The following PLEC variants were observed in gnomAD, a reference collection of about 807,000 sequenced individuals.
The protein encoded by PLEC is plectin.
In PLEC, 216 loss-of-function variants were observed where a neutral mutation model predicts 392.8. That is an observed-to-expected ratio of 0.55 (90% CI 0.49 to 0.62). The LOEUF is 0.62. PLEC is among the 20% of genes least tolerant of loss of function. The pLI, the probability that PLEC is intolerant of heterozygous loss-of-function variation, is 0.00. For missense variants in PLEC, 6,863 were observed against 6,563.4 expected, an observed-to-expected ratio of 1.05 and a Z score of -1.58; for synonymous variants, 3,621 against 2,980.6, an observed-to-expected ratio of 1.21 and a Z score of -7.00.
chr8:143,955,888 G>A (rs782076886), upstream of PLEC, among the ~76,000 whole-genome samples: 4 of 151,202 alleles, frequency 2.6e-5, no homozygotes, highest in Non-Finnish European at 4.4e-5. Flanking sequence ...CACACTGCCT[G>A]GTCCAGATCA....
chr8:143,939,084 G>A (rs781850641), intron 1 of PLEC, among the ~76,000 whole-genome samples: 11 of 152,192 alleles, frequency 7.2e-5, no homozygotes, highest in Non-Finnish European at 1.0e-4. Flanking sequence ...GGGAAGCCGC[G>A]TGTGCTGCTG....
chr8:143,957,394 G>A (rs1428328935), upstream of PLEC, among the ~76,000 whole-genome samples: 1 of 152,196 alleles, frequency 6.6e-6, no homozygotes, highest in Admixed American at 6.5e-5. Flanking sequence ...AGTGCCTCCG[G>A]AAAACCCCTA....
At chr8:143,946,467 A>T in intron 1 of PLEC, 1 of 1,134,620 alleles carries the variant, frequency 8.8e-7, no homozygotes, top group Non-Finnish European at 1.2e-6. Context: ...AAGGGGTGGG[A>T]GGCAGAGGGA....
intron 25 of PLEC, 118 bp from the exon 26 acceptor site, chr8:143,928,110 G>A: frequency 7.7e-7 from 1 of 1,301,544 alleles, no homozygotes; most frequent in Non-Finnish European, 1.0e-6. Flanking sequence ...CCAACCCTGG[G>A]GGTCAGCTGA....
rs782751690 is a variant in PLEC, at chr8:143,933,096, G to A, written c.1434C>T (p.His478=). Residue 478 remains histidine, a synonymous_variant, in exon 14 of 32, where the codon CAC becomes CAT. Transcript: ENST00000345136. ...CGGTGCGGATGGCTACCAGGCGCTCGTGCAGACGGTACACCCTGGGGCAGC... is the reference window on the plus strand; with the variant it reads ...CGGTGCGGATGGCTACCAGGCGCTCATGCAGACGGTACACCCTGGGGCAGC... ...EQMYRRVYRL[H]ERLVAIRTEY... 79 of 1,592,050 alleles carry A rather than the reference G, an allele frequency of 5.0e-5. No individual in the cohort carries two copies. The highest frequency in any genetic ancestry group is 7.0e-5 in the Admixed American group (4 of 56,904).
intron 1 of PLEC, among the ~76,000 whole-genome samples, chr8:143,959,599 C>T (rs1161893168): frequency 6.6e-6 from 1 of 152,260 alleles, no homozygotes; most frequent in Non-Finnish European, 1.5e-5. Flanking sequence ...TTGTCTGAAG[C>T]TCCAACACCG....
chr8:143,929,448 G>C lies in PLEC; in HGVS notation c.3047C>G (p.Ala1016Gly), dbSNP rs1826408923. 6.3e-7 allele frequency: 1 copy of C among 1,586,908 alleles called. No homozygotes were observed. The highest frequency in any genetic ancestry group is 8.6e-7 in the Non-Finnish European group (1 of 1,168,298). ...RLRLPLDKEPARECAQRIAEQ... is the reference protein window; with the variant it reads ...RLRLPLDKEPGRECAQRIAEQ... ...GGCGATGCGCTGGGCACACTCCCGT[G>C]CCGGCTCTTTGTCCAGCGGCAGCCG... The change falls in exon 24 of 32, where the codon GCA becomes GGA. Residue 1016 changes from alanine (A) to glycine (G), a missense_variant. Ala to Gly is a moderately conservative substitution (Grantham distance 60). Coordinates refer to ENST00000345136, the MANE Select transcript of PLEC (RefSeq NM_201384.3).
upstream of PLEC, among the ~76,000 whole-genome samples, chr8:143,954,887 C>G (rs1401591464): frequency 1.3e-5 from 2 of 152,248 alleles, no homozygotes; most frequent in Non-Finnish European, 2.9e-5. This position sits in a 1 kb window ranked among gnomAD's most constrained non-coding sequence, Gnocchi z 4.6. Flanking sequence ...GGCCTTTCCT[C>G]TGCCTTCACC....
chr8:143,975,385 G>A (rs1554745757), upstream of PLEC: 1 of 1,602,594 alleles, frequency 6.2e-7, no homozygotes, highest in Non-Finnish European at 8.5e-7. This position sits in a 1 kb window ranked among gnomAD's most constrained non-coding sequence, Gnocchi z 9.9. Flanking sequence ...CCTGGAAGGG[G>A]AGCAGGAGGG....
chr8:143,936,741 C>A (rs1829151319), intron 5 of PLEC, among the ~76,000 whole-genome samples: 1 of 152,202 alleles, frequency 6.6e-6, no homozygotes. Flanking sequence ...GGGCCCTGCC[C>A]AGCCAGGGCC....
chr8:143,949,930 G>A (rs1258215937), intron 1 of PLEC, among the ~76,000 whole-genome samples: 7 of 152,280 alleles, frequency 4.6e-5, no homozygotes, highest in South Asian at 2.1e-4. Flanking sequence ...GGGGCGCCCC[G>A]GGGTGTGCCT....
chr8:143,942,274 C>T (rs1383742663), upstream of PLEC: 57 of 1,258,090 alleles, frequency 4.5e-5, no homozygotes, highest in Non-Finnish European at 5.6e-5. Flanking sequence ...AAGGCTGCAC[C>T]GGGCCAAGGC....
At chr8:143,939,727 C>T (rs1323969118), upstream of PLEC, 3 of 1,127,014 alleles carry the variant, frequency 2.7e-6, no homozygotes, top group African/African-American at 3.2e-5. Flanking sequence ...GCCCCCTCCC[C>T]CACAGACACG....
In PLEC at chr8:143,917,140, G is replaced by A. The variant is rs1260621298; in HGVS notation, c.12681C>T (p.Leu4227=). Residue 4227 remains leucine, a synonymous_variant, in exon 32 of 32, where the codon CTC becomes CTT. Transcript: ENST00000345136. ...SALDQYRAGT[L]SITEFADMLS... is the part of the protein sequence containing the mutation. ...GCATGTCGGCGAACTCGGTGATGGA[G>A]AGCGTGCCGGCGCGGTACTGGTCCA... is the stretch of plus-strand genomic sequence containing the variant. 6.2e-7 allele frequency: 1 copy of A among 1,604,716 alleles called. No homozygotes were observed. The highest frequency in any genetic ancestry group is 1.3e-5 in the African/African-American group (1 of 74,776).
chr8:143,925,934 G>A (rs1825000552), intron 30 of PLEC, 50 bp from the exon 31 acceptor site: 1 of 1,519,562 alleles, frequency 6.6e-7, no homozygotes, highest in Non-Finnish European at 8.8e-7. Context: ...TGTGAACACG[G>A]GCAGGCGCTG....
chr8:143,942,743 G>A (rs868934325), upstream of PLEC, among the ~76,000 whole-genome samples: 10 of 152,366 alleles, frequency 6.6e-5, no homozygotes, highest in South Asian at 4.1e-4. Flanking sequence ...CCCAACCCAC[G>A]GGCCGGGCTG....
At chr8:143,966,681 T>C (rs1159670025) in intron 1 of PLEC, among the ~76,000 whole-genome samples, 1 of 150,046 alleles carries the variant, frequency 6.7e-6, no homozygotes, top group South Asian at 2.1e-4. Flanking sequence ...CAACACATAG[T>C]CCCCGCGTCA....
rs782395583 is a variant in PLEC, at chr8:143,927,871, T to C, written c.3382A>G (p.Thr1128Ala). ...AACGATACCTTCAGAGAGGCCTTGG[T>C]GGCCTCGAGCTCCGGGAGGGTGGCC... Reference protein sequence around the residue: ...VPATLPELEATKASLKKLRAQ... With the variant: ...VPATLPELEAAKASLKKLRAQ... Residue 1128 changes from threonine (T) to alanine (A), a missense_variant, in exon 26 of 32, where the codon ACC becomes GCC. Thr to Ala is a moderately conservative substitution (Grantham distance 58). Coordinates refer to ENST00000345136, the MANE Select transcript of PLEC (RefSeq NM_201384.3). 10 of 1,590,102 alleles carry C rather than the reference T, an allele frequency of 6.3e-6. No homozygotes were observed. Among genetic ancestry groups the C allele is most frequent in the East Asian group, 2.3e-5 (1 of 43,708 alleles).
At chr8:143,942,491 C>A, upstream of PLEC, 2 of 1,588,514 alleles carry the variant, frequency 1.3e-6, no homozygotes, top group Non-Finnish European at 1.7e-6. Flanking sequence ...CTCGGCGAGG[C>A]AAAGGCGCCC....
Sources: gnomAD v4.1 joint callset for allele counts (sites outside exome capture counted in the v4.1 genomes callset) on GRCh38, gnomAD v4.1.1 for gene constraint, Gnocchi (gnomAD v3.1) non-coding constraint, MANE v1.5 for transcripts, NCBI Gene and HGNC (gene_info 2026-07-23, HGNC 2026-07-21) for gene names.